The following CCDC192 variants were observed in gnomAD, a reference collection of about 807,000 sequenced individuals.
The protein encoded by CCDC192 is coiled-coil domain containing 192.
At chr5:127,854,503 T>A (rs1230007934) in intron 5 of CCDC192, among the ~76,000 whole-genome samples, 1 of 152,040 alleles carries the variant, frequency 6.6e-6, no homozygotes, top group Non-Finnish European at 1.5e-5. Flanking sequence ...TAAGTAAAAC[T>A]CTATCATAGG....
intron 5 of CCDC192, among the ~76,000 whole-genome samples, chr5:127,848,359 T>C (rs1750654278): frequency 6.6e-6 from 1 of 152,224 alleles, no homozygotes; most frequent in African/African-American, 2.4e-5. Flanking sequence ...CCTCCTTCCC[T>C]GGGCCTGTTT....
intron 6 of CCDC192, among the ~76,000 whole-genome samples, chr5:127,887,597 A>T (rs371894736): frequency 2.0e-5 from 3 of 152,142 alleles, no homozygotes; most frequent in African/African-American, 7.2e-5. Context: ...TTCTGACAAT[A>T]TGTAGTTAAT....
At chr5:127,916,254 T>C (rs1429888456) in intron 6 of CCDC192, among the ~76,000 whole-genome samples, 2 of 152,388 alleles carry the variant, frequency 1.3e-5, no homozygotes, top group Middle Eastern at 3.4e-3. Context: ...TCTCCATTTC[T>C]AATTCTAGTT....
chr5:127,842,932 A>G (rs1332172252), intron 5 of CCDC192, among the ~76,000 whole-genome samples: 1 of 151,868 alleles, frequency 6.6e-6, no homozygotes, highest in Non-Finnish European at 1.5e-5. Flanking sequence ...CATACTGCCT[A>G]TGGCGAAAAG....
intron 6 of CCDC192, among the ~76,000 whole-genome samples, chr5:127,894,823 A>G (rs868683881): frequency 6.6e-6 from 1 of 152,232 alleles, no homozygotes; most frequent in Non-Finnish European, 1.5e-5. Flanking sequence ...AATCCAGCCA[A>G]CCAAAGTGTT....
intron 6 of CCDC192, among the ~76,000 whole-genome samples, chr5:127,898,835 C>T (rs1752964666): frequency 6.6e-6 from 1 of 152,060 alleles, no homozygotes; most frequent in East Asian, 1.9e-4. Flanking sequence ...TAATTCTGTA[C>T]TTAGGACAAA....
chr5:127,797,206 A>G lies in CCDC192; in HGVS notation c.326A>G (p.Tyr109Cys), dbSNP rs1441150229. Residue 109 changes from tyrosine (Y) to cysteine (C), a missense_variant, in exon 4 of 7, where the codon TAT becomes TGT. Transcript: ENST00000514853. ...VDHKEASGGP[Y>C]EKMVLVKDQC... ...CACAAGGAAGCCAGTGGGGGACCAT[A>G]TGAAAAAATGGTTCTTGTGAAAGAC... 7 of 398,308 alleles carry G rather than the reference A, an allele frequency of 1.8e-5. No homozygotes were observed. Among genetic ancestry groups the G allele is most frequent in the Non-Finnish European group, 3.1e-5 (7 of 225,556 alleles). The allele number at this position is 398,308 out of a possible 1,614,324, so 24.7% of individuals were successfully genotyped here.
At chr5:127,755,149 T>G (rs990469653) in intron 3 of CCDC192, among the ~76,000 whole-genome samples, 6 of 152,184 alleles carry the variant, frequency 3.9e-5, no homozygotes, top group Non-Finnish European at 7.3e-5. Flanking sequence ...GGGAAAAGGA[T>G]GGAGGAGGCC....
At chr5:127,903,489 C>CGCCTTGGCGAATCAAA (rs2127169077) in intron 6 of CCDC192, among the ~76,000 whole-genome samples, 1 of 152,214 alleles carries the variant, frequency 6.6e-6, no homozygotes, top group East Asian at 1.9e-4. Flanking sequence ...GTGATTCGCC[C>CGCCTTGGCGAATCAAA]GCCTTGGCCT....
In CCDC192 at chr5:127,723,686, A is replaced by G. The variant is rs557571946; in HGVS notation, c.114+15926A>G. On this transcript the variant is annotated intron_variant, in intron 2 of 6. Coordinates refer to ENST00000514853, the MANE Select transcript of CCDC192 (RefSeq NM_001317938.2). ...TTTCTCTTTGAGAGGCTTTCTCTGG[A>G]TACTTGGGGAAGTTGGCAGAGAATG... 2.0e-5 allele frequency among the ~76,000 whole-genome samples: 3 copies of G among 152,340 alleles called. No homozygotes were observed. The East Asian group carries it at 5.8e-4, about 29-fold the overall frequency.
At chr5:127,861,367 A>T (rs1023999204) in intron 5 of CCDC192, among the ~76,000 whole-genome samples, 5 of 150,826 alleles carry the variant, frequency 3.3e-5, no homozygotes, top group Non-Finnish European at 7.4e-5. Flanking sequence ...AAAAAAAAAA[A>T]TGCCTGGCCG....
intron 3 of CCDC192, among the ~76,000 whole-genome samples, chr5:127,776,671 A>C (rs139940749): frequency 2.6e-3 from 402 of 152,214 alleles, no homozygotes; most frequent in African/African-American, 8.9e-3. Context: ...TGGGAGGAAA[A>C]AATGGTTTCA....
chr5:127,731,252 ACTC>A (rs779733383), intron 2 of CCDC192, among the ~76,000 whole-genome samples: 23 of 152,240 alleles, frequency 1.5e-4, no homozygotes, highest in Non-Finnish European at 3.1e-4. Flanking sequence ...TCATGAATGA[ACTC>A]CTGTTCACAA....
intron 6 of CCDC192, among the ~76,000 whole-genome samples, chr5:127,886,829 T>C (rs1170253048): frequency 6.6e-6 from 1 of 152,060 alleles, no homozygotes; most frequent in Admixed American, 6.6e-5. Flanking sequence ...AATTGATTGA[T>C]TGTAACTCAA....
intron 5 of CCDC192, among the ~76,000 whole-genome samples, chr5:127,818,297 T>C (rs570985795): frequency 3.0e-4 from 46 of 152,344 alleles, no homozygotes; most frequent in Admixed American, 6.5e-4. Flanking sequence ...GTTGACATAC[T>C]AAAGACTGAG....
intron 2 of CCDC192, among the ~76,000 whole-genome samples, chr5:127,747,877 ATG>A (rs1753874359): frequency 2.0e-5 from 3 of 149,258 alleles, no homozygotes. Flanking sequence ...GCATTTTTTC[ATG>A]TGTTTTTTGG....
intron 3 of CCDC192, among the ~76,000 whole-genome samples, chr5:127,792,665 T>C (rs1201411836): frequency 6.6e-6 from 1 of 151,478 alleles, no homozygotes; most frequent in Non-Finnish European, 1.5e-5. Flanking sequence ...GAGATTGTGC[T>C]GTTGCACTCC....
At chr5:127,857,373 C>G (rs1580758265) in intron 5 of CCDC192, among the ~76,000 whole-genome samples, 1 of 152,168 alleles carries the variant, frequency 6.6e-6, no homozygotes, top group African/African-American at 2.4e-5. Flanking sequence ...TAGATCCATC[C>G]TCTTCTGTCA....
intron 5 of CCDC192, among the ~76,000 whole-genome samples, chr5:127,867,231 T>A (rs1387688125): frequency 6.6e-6 from 1 of 152,242 alleles, no homozygotes; most frequent in Non-Finnish European, 1.5e-5. Context: ...TGATCCCAGA[T>A]AAGTCACAGA....
Sources: allele counts gnomAD v4.1 joint callset (sites outside exome capture counted in the v4.1 genomes callset), GRCh38; gene constraint gnomAD v4.1.1; transcripts MANE v1.5; gene names NCBI Gene and HGNC (gene_info 2026-07-23, HGNC 2026-07-21).